Variants in CACNA1C observed in about 807,000 individuals in gnomAD.
The protein encoded by CACNA1C is calcium voltage-gated channel subunit alpha1 C, also known as voltage-dependent L-type calcium channel subunit alpha-1C.
CACNA1C carries 30 observed loss-of-function variants against 229.0 expected under a neutral mutation model. That is an observed-to-expected ratio of 0.13 (90% CI 0.10 to 0.18). The LOEUF (loss-of-function observed/expected upper bound fraction) is 0.18. Among genes scored for constraint, CACNA1C ranks in the 10% least tolerant of loss-of-function variants. The pLI is 1.00. For synonymous variants in CACNA1C, 1,114 were observed against 1,132.5 expected (o/e 0.98, Z 0.33); for missense variants, 1,658 against 2,845.0 (o/e 0.58, Z 9.49).
chr12:2,288,619 T>C, intron 3 of CACNA1C: 1 of 152,310 alleles, frequency 6.6e-6, no homozygotes, highest in South Asian at 2.1e-4. Context: ...CATTTTGTAT[T>C]GTGTGTCCGT....
chr12:2,497,148 A>G (rs933976516), intron 7 of CACNA1C, among the ~76,000 whole-genome samples: 2 of 152,226 alleles, frequency 1.3e-5, no homozygotes, highest in African/African-American at 2.4e-5. Flanking sequence ...TCAAAGATGT[A>G]AAGTCTGCTG....
intron 3 of CACNA1C, among the ~76,000 whole-genome samples, chr12:2,446,172 G>T (rs2099275909): frequency 6.6e-6 from 1 of 150,498 alleles, no homozygotes; most frequent in South Asian, 2.2e-4. Context: ...TGGATGGATG[G>T]ATGGATGGAT....
At chr12:2,571,991 C>T (rs114304218) in intron 13 of CACNA1C, among the ~76,000 whole-genome samples, 2 of 150,696 alleles carry the variant, frequency 1.3e-5, no homozygotes, top group African/African-American at 4.9e-5. Flanking sequence ...TTGGAAAGTA[C>T]TTTGCAATGT....
chr12:2,487,061 T>C (rs1397500255), intron 6 of CACNA1C, among the ~76,000 whole-genome samples: 1 of 152,242 alleles, frequency 6.6e-6, no homozygotes, highest in East Asian at 1.9e-4. Flanking sequence ...CATCGCAGCT[T>C]GGCCTTTTAA....
At chr12:2,640,336 G>A (rs892301975) in intron 30 of CACNA1C, among the ~76,000 whole-genome samples, 3 of 152,312 alleles carry the variant, frequency 2.0e-5, no homozygotes, top group Middle Eastern at 3.4e-3. Context: ...GGGCCCAGTG[G>A]CTCCTGCACT....
intron 3 of CACNA1C, among the ~76,000 whole-genome samples, chr12:2,170,665 C>T (rs2096438596): frequency 6.6e-6 from 1 of 152,260 alleles, no homozygotes; most frequent in Non-Finnish European, 1.5e-5. Context: ...CAGAGTGTGT[C>T]TAGAAGCCTG....
chr12:2,487,207 G>GC (rs1462242910), intron 6 of CACNA1C, among the ~76,000 whole-genome samples: 1 of 151,788 alleles, frequency 6.6e-6, no homozygotes, highest in African/African-American at 2.4e-5. Flanking sequence ...TTTTCACACA[G>GC]CAAGATCCAT....
intron 3 of CACNA1C, among the ~76,000 whole-genome samples, chr12:2,439,220 C>A (rs192939281): frequency 6.6e-6 from 1 of 152,308 alleles, no homozygotes; most frequent in African/African-American, 2.4e-5. Context: ...AGGTGGCTGG[C>A]CTGGGTGGCA....
At chr12:2,673,604 G>A (rs1024228347) in intron 38 of CACNA1C, among the ~76,000 whole-genome samples, 1 of 152,172 alleles carries the variant, frequency 6.6e-6, no homozygotes, top group African/African-American at 2.4e-5. Context: ...AGGCTCTGGG[G>A]GAGATCATGT....
intron 3 of CACNA1C, among the ~76,000 whole-genome samples, chr12:2,258,008 A>C (rs141637957): frequency 0.01 from 1,571 of 152,346 alleles, 18 homozygotes; most frequent in African/African-American, 0.036. Context: ...CCCACTCTGC[A>C]GTAGGCAGAG....
Position 2,604,971 on chromosome 12 carries a change from T to C in CACNA1C, c.2961-110T>C, listed in dbSNP as rs12578885. On this transcript the variant is annotated intron_variant, in intron 22 of 46. Transcript: ENST00000399655. ...AACATCCCCAAGATGGGCTTTATGTTTTCTCAGGTTTGCCTCGGATTCACC... is the reference window on the plus strand; with the variant it reads ...AACATCCCCAAGATGGGCTTTATGTCTTCTCAGGTTTGCCTCGGATTCACC... 3.2e-4 allele frequency: 252 copies of C among 795,926 alleles called. 1 individual carries two copies. The highest frequency in any genetic ancestry group is 1.1e-3 in the East Asian group (44 of 38,676). The allele number at this position is 795,926 out of a possible 1,614,324, so 49.3% of individuals were successfully genotyped here. A position where few individuals can be genotyped will look rare whatever the true frequency, so the allele number is the denominator to read the frequency against.
intron 1 of CACNA1C, among the ~76,000 whole-genome samples, chr12:2,100,872 G>C (rs1289528534): frequency 6.6e-6 from 1 of 151,726 alleles, no homozygotes; most frequent in Non-Finnish European, 1.5e-5. Context: ...GGGCAACAGG[G>C]TGTCTCTACT....
At chr12:2,141,437 G>A (rs2094177379) in intron 3 of CACNA1C, among the ~76,000 whole-genome samples, 1 of 151,322 alleles carries the variant, frequency 6.6e-6, no homozygotes, top group African/African-American at 2.4e-5. Flanking sequence ...AGGGAAGTCG[G>A]TCATGGAAAC....
At chr12:2,416,405 G>A (rs1414948696) in intron 3 of CACNA1C, among the ~76,000 whole-genome samples, 1 of 152,154 alleles carries the variant, frequency 6.6e-6, no homozygotes, top group African/African-American at 2.4e-5. Context: ...AAAGAGAGGG[G>A]AAGGGAGGAA....
In CACNA1C at chr12:2,053,836, G is replaced by A. The variant is rs2053279527; in HGVS notation, c.49+225G>A. 6.7e-6 allele frequency among the ~76,000 whole-genome samples: 1 copy of A among 150,078 alleles called. No individual in the cohort carries two copies. The highest frequency in any genetic ancestry group is 1.5e-5 in the Non-Finnish European group (1 of 67,368). On this transcript the variant is annotated intron_variant, in intron 1 of 46. Coordinates refer to ENST00000399655, the MANE Select transcript of CACNA1C (RefSeq NM_000719.7). The surrounding 1 kb of genome is among the most constrained non-coding windows in gnomAD (Gnocchi z 5.8). ...AAAATTCCCGCCCCTCCCCCTCCGGGCCCCAGCTTCTCCAGAGCATGTGTT... is the reference window on the plus strand; with the variant it reads ...AAAATTCCCGCCCCTCCCCCTCCGGACCCCAGCTTCTCCAGAGCATGTGTT...
At chr12:2,200,083 G>A (rs965891073) in intron 3 of CACNA1C, among the ~76,000 whole-genome samples, 1 of 152,164 alleles carries the variant, frequency 6.6e-6, no homozygotes, top group African/African-American at 2.4e-5. Flanking sequence ...ACTGAGCAGT[G>A]CCTGCACATG....
At chr12:2,164,617 G>C (rs1261766102) in intron 3 of CACNA1C, among the ~76,000 whole-genome samples, 3 of 152,168 alleles carry the variant, frequency 2.0e-5, no homozygotes, top group Non-Finnish European at 4.4e-5. Context: ...TTAAAAACTT[G>C]TCTTCATAAT....
At chr12:2,437,842 GGTGGTGATGA>G (rs2099153842) in intron 3 of CACNA1C, among the ~76,000 whole-genome samples, 3 of 93,448 alleles carry the variant, frequency 3.2e-5, no homozygotes, top group Non-Finnish European at 8.4e-5. Context: ...TGGTAATGAT[GGTGGTGATGA>G]TGGTGGTGAT....
intron 3 of CACNA1C, among the ~76,000 whole-genome samples, chr12:2,182,819 G>A (rs927397999): frequency 3.3e-5 from 5 of 152,118 alleles, no homozygotes; most frequent in African/African-American, 4.8e-5. Flanking sequence ...ACCCTGCAGC[G>A]GCTCAGGGAA....
Sources: allele counts gnomAD v4.1 joint callset (sites outside exome capture counted in the v4.1 genomes callset), GRCh38; gene constraint gnomAD v4.1.1; non-coding constraint Gnocchi (gnomAD v3.1); transcripts MANE v1.5; gene names NCBI Gene and HGNC (gene_info 2026-07-23, HGNC 2026-07-21).